Variants in TNRC18 observed in about 807,000 individuals in gnomAD.
TNRC18 encodes trinucleotide repeat containing 18.
In TNRC18, 69 loss-of-function variants were observed where a neutral mutation model predicts 226.7. The observed-to-expected ratio is 0.30, with a 90% CI of 0.25 to 0.37. The LOEUF is 0.37. Among genes scored for constraint, TNRC18 ranks in the 10% least tolerant of loss-of-function variants. The pLI, the probability that TNRC18 is intolerant of heterozygous loss-of-function variation, is 1.00. For missense variants in TNRC18, 4,754 were observed against 4,256.6 expected, an observed-to-expected ratio of 1.12 and a Z score of -3.25; for synonymous variants, 2,449 against 1,927.6, an observed-to-expected ratio of 1.27 and a Z score of -7.09.
At chr7:5,379,058 G>A (rs958476468) in intron 5 of TNRC18, among the ~76,000 whole-genome samples, 4 of 152,014 alleles carry the variant, frequency 2.6e-5, no homozygotes, top group Non-Finnish European at 4.4e-5. Flanking sequence ...TCAGCCAGGC[G>A]TGGTGGTGCG....
Position 5,377,640 on chromosome 7 carries a change from G to C in TNRC18, c.2256-64C>G, listed in dbSNP as rs772125983. 2.0e-6 allele frequency: 3 copies of C among 1,491,242 alleles called. No individual in the cohort carries two copies. The African/African-American group carries it at 4.2e-5, about 21-fold the overall frequency. 92.4% of individuals were successfully genotyped at this position (1,491,242 alleles called of 1,614,324 possible). On this transcript the variant is annotated intron_variant, in intron 6 of 29. Coordinates refer to ENST00000430969, the MANE Select transcript of TNRC18 (RefSeq NM_001080495.3). This position sits in a 1 kb window ranked among gnomAD's most constrained non-coding sequence, Gnocchi z 5.8. ...AGCCCAGGGGACGAGAGGGAGAAGC[G>C]GGGTTGCCCCAAGGAACTGTTTGCC...
At chr7:5,344,706 C>T (rs1583847983) in intron 18 of TNRC18, among the ~76,000 whole-genome samples, 1 of 152,234 alleles carries the variant, frequency 6.6e-6, no homozygotes, top group South Asian at 2.1e-4. Context: ...TCAGAAGGAC[C>T]CTCCCCTGCT....
At chr7:5,365,331 T>C (rs1219593379) in intron 11 of TNRC18, among the ~76,000 whole-genome samples, 2 of 152,174 alleles carry the variant, frequency 1.3e-5, no homozygotes, top group African/African-American at 4.8e-5. Context: ...CAGGCTGGTC[T>C]TGAACTCCTG....
At chr7:5,420,929 G>T in intron 2 of TNRC18, 131 bp downstream of exon 2, 1 of 1,152,572 alleles carries the variant, frequency 8.7e-7, no homozygotes. Flanking sequence ...CCTGGGAGCC[G>T]AGTCTGCCCG....
intron 16 of TNRC18, among the ~76,000 whole-genome samples, chr7:5,356,577 C>G (rs1056880921): frequency 1.6e-4 from 25 of 152,256 alleles, no homozygotes; most frequent in African/African-American, 5.8e-4. Context: ...CTATGACGCA[C>G]AAGGCTTCCT....
chr7:5,376,257 G>A (rs559654505), intron 8 of TNRC18, 33 bp from the exon 9 acceptor site: 84 of 1,425,420 alleles, frequency 5.9e-5, no homozygotes, highest in Middle Eastern at 3.6e-4. Context: ...CTGCACCTGC[G>A]GCCTGATGCT....
Position 5,332,626 on chromosome 7 carries a change from C to T in TNRC18, c.6143G>A (p.Arg2048Lys). The T allele has an allele frequency of 2.6e-6, 4 of 1,526,668 alleles. No individual in the cohort carries two copies. The highest frequency in any genetic ancestry group is 3.5e-6 in the Non-Finnish European group (4 of 1,138,702). The allele number at this position is 1,526,668 out of a possible 1,614,324, so 94.6% of individuals were successfully genotyped here. ...CCCTCCCAGCGCGGCCCCTACCTTC[C>T]TGGGGTCCTTCCTGTCCTTTGCACG... ...AGRAKDRKDP[R>K]KKKKGKEAGP... The change falls in exon 19 of 30, where the codon AGG becomes AAG. Residue 2048 changes from arginine (R) to lysine (K), a missense_variant. Transcript: ENST00000430969.
chr7:5,388,695 A>G lies in TNRC18; in HGVS notation c.1129T>C (p.Ser377Pro). 2.4e-6 allele frequency: 3 copies of G among 1,264,224 alleles called. No homozygotes were observed. Among genetic ancestry groups the G allele is most frequent in the Non-Finnish European group, 3.0e-6 (3 of 1,002,334 alleles). 78.3% of individuals were successfully genotyped at this position (1,264,224 alleles called of 1,614,324 possible). ...HRVVAPTFVP[S>P]VEAFDERPGP... ...GGGCGCTCGTCGAAGGCCTCCACGG[A>G]AGGCACGAAGGTGGGCGCCACCACG... Residue 377 changes from serine to proline, a missense_variant, in exon 5 of 30, where the codon TCC (serine) becomes CCC (proline). Physicochemically the swap from Ser to Pro is moderately conservative, Grantham distance 74 (BLOSUM62 -1). Transcript: ENST00000430969.
chr7:5,388,912 A>AC lies in TNRC18; in HGVS notation c.911dup (p.Ala305CysfsTer62). ...CGTCCTGCCGGGCAGCCTCCTTGGC[A>AC]CCCCCGCGCCCCGCTTCGGCCACCA... On this transcript the variant is annotated frameshift_variant, in exon 5 of 30. Coordinates refer to ENST00000430969, the MANE Select transcript of TNRC18 (RefSeq NM_001080495.3). LOFTEE classifies it high-confidence loss of function. 7.3e-7 allele frequency: 1 copy of AC among 1,364,088 alleles called. No homozygotes were observed. Among genetic ancestry groups the AC allele is most frequent in the Non-Finnish European group, 9.5e-7 (1 of 1,054,810 alleles). The allele number at this position is 1,364,088 out of a possible 1,614,324, so 84.5% of individuals were successfully genotyped here.
At position 5,332,863 on chromosome 7, in the gene TNRC18, C is replaced by A; in HGVS notation, c.5906G>T (p.Arg1969Leu). 6.6e-7 allele frequency: 1 copy of A among 1,511,622 alleles called. No individual in the cohort carries two copies. The highest frequency in any genetic ancestry group is 8.8e-7 in the Non-Finnish European group (1 of 1,139,128). 93.6% of individuals were successfully genotyped at this position (1,511,622 alleles called of 1,614,324 possible). A position where few individuals can be genotyped will look rare whatever the true frequency, so the allele number is the denominator to read the frequency against. The change falls in exon 19 of 30, where the codon CGC becomes CTC. Residue 1969 changes from arginine (R) to leucine (L), a missense_variant. By Grantham distance (102) the Arg-to-Leu change is moderately radical. Coordinates refer to ENST00000430969, the MANE Select transcript of TNRC18 (RefSeq NM_001080495.3). ...DKAKLAVEKG[R>L]KARKLRGPKE... ...GGGGCCCCGCAGCTTCCGGGCCTTGCGCCCCTTCTCCACCGCCAGCTTGGC... is the reference window on the plus strand; with the variant it reads ...GGGGCCCCGCAGCTTCCGGGCCTTGAGCCCCTTCTCCACCGCCAGCTTGGC...
At chr7:5,311,754 G>A (rs1014086835) in intron 27 of TNRC18, among the ~76,000 whole-genome samples, 3 of 151,892 alleles carry the variant, frequency 2.0e-5, no homozygotes, top group Admixed American at 6.6e-5. Flanking sequence ...GAAGTTCAAA[G>A]CTGCAGTGAG....
Position 5,307,915 on chromosome 7 carries a change from T to C in TNRC18, c.*191A>G, listed in dbSNP as rs1786715908. 16 of 604,414 alleles carry C rather than the reference T, an allele frequency of 2.6e-5. No homozygotes were observed. The highest frequency in any genetic ancestry group is 2.6e-4 in the South Asian group (13 of 50,302). The allele number at this position is 604,414 out of a possible 1,614,324, so 37.4% of individuals were successfully genotyped here. A position where few individuals can be genotyped will look rare whatever the true frequency, so the allele number is the denominator to read the frequency against. On this transcript the variant is annotated 3_prime_UTR_variant, in exon 30 of 30. Coordinates refer to ENST00000430969, the MANE Select transcript of TNRC18 (RefSeq NM_001080495.3). ...GGGTTGGAAGGTGGGGCTGGAGGCA[T>C]GTGCACATGCGTGCACACACGTGCA...
rs758820346 is a variant in TNRC18 at position 5,351,810 on chromosome 7, G to A, written c.5470+9C>T. 6 of 1,571,730 alleles carry A rather than the reference G, an allele frequency of 3.8e-6. No homozygotes were observed. The highest frequency in any genetic ancestry group is 1.9e-5 in the Admixed American group (1 of 51,342). Reference sequence around the variant, plus strand: ...ACACGGAAGGTATTTTGTGTTTGGAGCTAGTAACCTTGGTCAAACGATTCC... The same window carrying A: ...ACACGGAAGGTATTTTGTGTTTGGAACTAGTAACCTTGGTCAAACGATTCC... On this transcript the variant is annotated intron_variant, in intron 17 of 29. Coordinates refer to ENST00000430969, the MANE Select transcript of TNRC18 (RefSeq NM_001080495.3).
In TNRC18 at chr7:5,357,108, G is replaced by C. The variant is rs756023658; in HGVS notation, c.5002C>G (p.Pro1668Ala). The C allele has an allele frequency of 5.8e-6, 9 of 1,552,840 alleles. No homozygotes were observed. Among genetic ancestry groups the C allele is most frequent in the African/African-American group, 1.4e-5 (1 of 73,242 alleles). ...TSGGCGRYLT[P>A]YDSLLGKNRK... Reference sequence around the variant, plus strand: ...TTCTTCCCCAGCAGGCTGTCGTAAGGAGTCAAGTACCTGCCGCAGCCCCCG... The same window carrying C: ...TTCTTCCCCAGCAGGCTGTCGTAAGCAGTCAAGTACCTGCCGCAGCCCCCG... The change falls in exon 16 of 30, where the codon CCT becomes GCT. Residue 1668 changes from proline to alanine, a missense_variant. Transcript: ENST00000430969.
At position 5,394,397 on chromosome 7, in the gene TNRC18, T is replaced by A. The variant is rs1780513285; in HGVS notation, c.343+43A>T. 3.9e-5 allele frequency: 58 copies of A among 1,470,080 alleles called. No individual in the cohort carries two copies. The highest frequency in any genetic ancestry group is 5.2e-5 in the Non-Finnish European group (58 of 1,109,904). The allele number at this position is 1,470,080 out of a possible 1,614,324, so 91.1% of individuals were successfully genotyped here. Reference sequence around the variant, plus strand: ...TGAAGTGGCCAGAGTGGCTGGGACGTCAGCCCAGCAGCCCTCAGCCCCGAC... The same window carrying A: ...TGAAGTGGCCAGAGTGGCTGGGACGACAGCCCAGCAGCCCTCAGCCCCGAC... On this transcript the variant is annotated intron_variant, in intron 3 of 29. Transcript: ENST00000430969. This position sits in a 1 kb window ranked among gnomAD's most constrained non-coding sequence, Gnocchi z 4.5.
intron 2 of TNRC18, among the ~76,000 whole-genome samples, chr7:5,413,622 G>A (rs1781979753): frequency 6.6e-6 from 1 of 152,110 alleles, no homozygotes; most frequent in Non-Finnish European, 1.5e-5. Context: ...CTGGATCTCT[G>A]GGGCTCAAGC....
intron 11 of TNRC18, among the ~76,000 whole-genome samples, chr7:5,363,062 G>A (rs4487655): frequency 0.36 from 53,899 of 151,692 alleles, 9,533 homozygotes; most frequent in South Asian, 0.38. Flanking sequence ...GGGTGGCTGA[G>A]GCGGGCAGAT....
At position 5,313,731 on chromosome 7, in the gene TNRC18, G is replaced by A. The variant is rs1562480387; in HGVS notation, c.7160C>T (p.Pro2387Leu). Residue 2387 changes from proline to leucine, a missense_variant, in exon 27 of 30, where the codon CCC (proline) becomes CTC (leucine). Physicochemically the swap from Pro to Leu is moderately conservative, Grantham distance 98 (BLOSUM62 -3). Transcript: ENST00000430969. ...PEPVDKRAKA[P>L]KARPAPPQPS... Reference sequence around the variant, plus strand: ...CTGCGGCGGTGCCGGGCGCGCCTTGGGGGCCTTGGCTCGCTTGTCCACAGG... The same window carrying A: ...CTGCGGCGGTGCCGGGCGCGCCTTGAGGGCCTTGGCTCGCTTGTCCACAGG... The A allele has an allele frequency of 6.3e-7, 1 of 1,577,810 alleles. No homozygotes were observed. Among genetic ancestry groups the A allele is most frequent in the East Asian group, 2.2e-5 (1 of 44,508 alleles).
intron 21 of TNRC18, among the ~76,000 whole-genome samples, 199 bp from the exon 22 acceptor site, chr7:5,321,389 G>C (rs990787499): frequency 2.6e-5 from 4 of 152,142 alleles, no homozygotes; most frequent in Admixed American, 6.5e-5. Context: ...AGCATGTACA[G>C]GGTGCCGTGG....
Sources: allele counts gnomAD v4.1 joint callset (sites outside exome capture counted in the v4.1 genomes callset), GRCh38; gene constraint gnomAD v4.1.1; non-coding constraint Gnocchi (gnomAD v3.1); transcripts MANE v1.5; gene names NCBI Gene and HGNC (gene_info 2026-07-23, HGNC 2026-07-21).